PPFIA2: variants seen among roughly 807,000 people sequenced by gnomAD.
PPFIA2 encodes the protein liprin-alpha-2.
In PPFIA2, 46 loss-of-function variants were observed where a neutral mutation model predicts 175.5. The ratio of observed to expected loss-of-function variants is 0.26; its 90% CI spans 0.21 to 0.34. PPFIA2 has a LOEUF of 0.34. Among genes scored for constraint, PPFIA2 ranks in the 10% least tolerant of loss-of-function variants. PPFIA2 has a pLI of 1.00. For missense variants in PPFIA2, 1,179 were observed against 1,506.1 expected (o/e 0.78, Z 3.60); for synonymous variants, 568 against 511.4 (o/e 1.11, Z -1.49).
chr12:81,358,119 C>T lies in PPFIA2; in HGVS notation c.1736G>A (p.Arg579Lys), dbSNP rs2061120459. ...TCTTCGCACACCCATGCGGCCTCTC[C>T]TTGGTCTTCTTATTACTTTAGTTGT... The part of the protein sequence containing the change: ...YRTTKVIRRP[R>K]RGRMGVRRDE... Residue 579 changes from arginine to lysine, a missense_variant, in exon 16 of 33, where the codon AGG (arginine) becomes AAG (lysine). This residue lies in a region of PPFIA2 where 186 missense variants were observed against 163.6 expected (regional missense o/e 1.14). Transcript: ENST00000549396. 1 of 1,604,232 alleles carries T rather than the reference C, an allele frequency of 6.2e-7. No homozygotes were observed. The highest frequency in any genetic ancestry group is 1.7e-5 in the Admixed American group (1 of 59,076).
chr12:81,357,719 A>C (rs981650557), intron 16 of PPFIA2, among the ~76,000 whole-genome samples: 3 of 152,300 alleles, frequency 2.0e-5, no homozygotes, highest in African/African-American at 4.8e-5. Context: ...TTAATATTAC[A>C]CTACTAATAG....
intron 4 of PPFIA2, among the ~76,000 whole-genome samples, chr12:81,549,296 T>C (rs925016342): frequency 2.6e-5 from 4 of 152,114 alleles, no homozygotes; most frequent in Non-Finnish European, 5.9e-5. Flanking sequence ...CTATTATTCA[T>C]AATTAGAAAT....
intron 4 of PPFIA2, among the ~76,000 whole-genome samples, chr12:81,578,882 C>A (rs1170483712): frequency 6.6e-6 from 1 of 151,652 alleles, no homozygotes; most frequent in Non-Finnish European, 1.5e-5. Context: ...ATTGATACAC[C>A]TCTTAAATGA....
chr12:81,683,586 C>A lies in PPFIA2; in HGVS notation c.250-6742G>T, dbSNP rs894092020. 1.1e-4 allele frequency among the ~76,000 whole-genome samples: 16 copies of A among 151,976 alleles called. 1 individual carries two copies. Among genetic ancestry groups the A allele is most frequent in the Admixed American group, 1.3e-4 (2 of 15,220 alleles). On this transcript the variant is annotated intron_variant, in intron 3 of 32. Transcript: ENST00000549396. ...CTCTTGGCTATCTCTCTGACTATAT[C>A]TTTTGCCGTTCTCCCTCTGTCCTGC...
intron 4 of PPFIA2, among the ~76,000 whole-genome samples, chr12:81,567,026 T>C (rs961701319): frequency 6.6e-6 from 1 of 152,234 alleles, no homozygotes; most frequent in African/African-American, 2.4e-5. Flanking sequence ...ATAATTTGTC[T>C]GATCTTTTTC....
intron 4 of PPFIA2, among the ~76,000 whole-genome samples, chr12:81,627,824 G>T (rs960964075): frequency 6.6e-6 from 1 of 151,960 alleles, no homozygotes; most frequent in Non-Finnish European, 1.5e-5. Flanking sequence ...AACATTGTAT[G>T]TCTTTTTTTC....
chr12:81,739,912 G>A (rs2082128597), intron 3 of PPFIA2, among the ~76,000 whole-genome samples: 1 of 151,924 alleles, frequency 6.6e-6, no homozygotes, highest in South Asian at 2.1e-4. Flanking sequence ...CCTTCTTCTG[G>A]CAAATATCTT....
Position 81,344,707 on chromosome 12 carries a change from TA to T in PPFIA2, c.2233-15del. ...CAGATCACTTGGCTGTGATTGGCAG[TA>T]ATAAAAACATAAAACACAATTAATT... is the stretch of plus-strand genomic sequence containing the variant. On this transcript the variant is annotated splice_polypyrimidine_tract_variant and intron_variant, in intron 18 of 32. Coordinates refer to ENST00000549396, the MANE Select transcript of PPFIA2 (RefSeq NM_003625.5). The T allele has an allele frequency of 6.5e-7, 1 of 1,541,434 alleles. No individual in the cohort carries two copies. Among genetic ancestry groups the T allele is most frequent in the East Asian group, 2.4e-5 (1 of 42,442 alleles).
intron 22 of PPFIA2, among the ~76,000 whole-genome samples, chr12:81,304,363 A>G (rs998866967): frequency 3.3e-5 from 5 of 152,224 alleles, no homozygotes; most frequent in African/African-American, 1.2e-4. Flanking sequence ...AGCAAAGAAT[A>G]AAGCCAACTG....
intron 8 of PPFIA2, among the ~76,000 whole-genome samples, chr12:81,388,182 G>A (rs1037114845): frequency 1.3e-5 from 2 of 152,018 alleles, no homozygotes; most frequent in Admixed American, 6.6e-5. Context: ...TGGAAATAAC[G>A]TTTACATACT....
chr12:81,710,304 TCTCA>T (rs1041908761), intron 3 of PPFIA2, among the ~76,000 whole-genome samples: 44 of 86,690 alleles, frequency 5.1e-4, no homozygotes, highest in Admixed American at 4.3e-3. Flanking sequence ...GCACACTCTC[TCTCA>T]CACACACACA....
chr12:81,574,719 A>C (rs1356123078), intron 4 of PPFIA2, among the ~76,000 whole-genome samples: 2 of 151,650 alleles, frequency 1.3e-5, no homozygotes, highest in East Asian at 3.9e-4. Context: ...GGAAAAAAAA[A>C]ACACCACTCT....
chr12:81,632,783 G>A (rs765271034), intron 4 of PPFIA2, among the ~76,000 whole-genome samples: 3 of 151,994 alleles, frequency 2.0e-5, no homozygotes, highest in Non-Finnish European at 2.9e-5. Context: ...TGTATAAGGG[G>A]TCCCGTTTTA....
At chr12:81,407,389 A>C (rs1238064005) in intron 7 of PPFIA2, among the ~76,000 whole-genome samples, 4 of 151,954 alleles carry the variant, frequency 2.6e-5, no homozygotes, top group Admixed American at 2.6e-4. Context: ...AGGCTGAGCC[A>C]GGAGAATCCC....
chr12:81,538,768 G>A (rs532575096), intron 4 of PPFIA2, among the ~76,000 whole-genome samples: 1 of 151,820 alleles, frequency 6.6e-6, no homozygotes, highest in Non-Finnish European at 1.5e-5. Flanking sequence ...ATAGTATGAG[G>A]TGAAGTCAGA....
chr12:81,697,314 A>G (rs1328875985), intron 3 of PPFIA2, among the ~76,000 whole-genome samples: 1 of 152,114 alleles, frequency 6.6e-6, no homozygotes, highest in African/African-American at 2.4e-5. Flanking sequence ...GAGAAATTAC[A>G]TAAATTATGA....
chr12:81,690,162 A>G (rs1322756212), intron 3 of PPFIA2, among the ~76,000 whole-genome samples: 2 of 152,064 alleles, frequency 1.3e-5, no homozygotes, highest in African/African-American at 4.8e-5. Flanking sequence ...CTTAAACTGG[A>G]TTGTGAATCT....
intron 3 of PPFIA2, among the ~76,000 whole-genome samples, chr12:81,682,104 T>C (rs2073748195): frequency 6.6e-6 from 1 of 152,062 alleles, no homozygotes; most frequent in Non-Finnish European, 1.5e-5. Flanking sequence ...AAAATTCAGA[T>C]GTTGAAATCT....
At chr12:81,440,094 T>G in intron 6 of PPFIA2, 48 bp from the exon 7 acceptor site, 1 of 1,377,520 alleles carries the variant, frequency 7.3e-7, no homozygotes, top group Non-Finnish European at 1.0e-6. Context: ...CCCATACATA[T>G]TAAACTGTGC....
Sources: gnomAD v4.1 joint callset for allele counts (sites outside exome capture counted in the v4.1 genomes callset) on GRCh38, gnomAD v4.1.1 for gene constraint, gnomAD v4.1.1 regional missense constraint, MANE v1.5 for transcripts, NCBI Gene and HGNC (gene_info 2026-07-23, HGNC 2026-07-21) for gene names.